The following PDE8B variants were observed in gnomAD, a reference collection of about 807,000 sequenced individuals.
The protein encoded by PDE8B is phosphodiesterase 8B, also known as high affinity cAMP-specific and IBMX-insensitive 3',5'-cyclic phosphodiesterase 8B.
A neutral mutation model predicts 101.3 loss-of-function variants in PDE8B; 26 were observed. The observed-to-expected ratio is 0.26, with a 90% CI of 0.19 to 0.36. The LOEUF is 0.36. PDE8B is among the 10% of genes least tolerant of loss of function. The pLI, the probability that PDE8B is intolerant of heterozygous loss-of-function variation, is 1.00. For synonymous variants in PDE8B, 424 were observed against 429.3 expected, an observed-to-expected ratio of 0.99 and a Z score of 0.15; for missense variants, 810 against 1,163.1, an observed-to-expected ratio of 0.70 and a Z score of 4.42.
At chr5:77,273,836 T>G (rs61068572) in intron 1 of PDE8B, among the ~76,000 whole-genome samples, 7,774 of 152,078 alleles carry the variant, frequency 0.051, 336 homozygotes, top group African/African-American at 0.11. Flanking sequence ...TTTTATTTTT[T>G]TTTGAGATGG....
intron 1 of PDE8B, among the ~76,000 whole-genome samples, chr5:77,260,581 C>CCTTT (rs1561431905): frequency 7.6e-6 from 1 of 131,408 alleles, no homozygotes; most frequent in African/African-American, 3.0e-5. Context: ...CACTGTGGCT[C>CCTTT]ATTTTTTTTT....
chr5:77,196,423 A>G, the PDE8B span, among the ~76,000 whole-genome samples: 1 of 152,148 alleles, frequency 6.6e-6, no homozygotes, highest in African/African-American at 2.4e-5. Context: ...GTTTAGTTTT[A>G]ACATGTTTTA....
At chr5:77,173,005 A>G in the PDE8B span, among the ~76,000 whole-genome samples, 12,781 of 152,288 alleles carry the variant, frequency 0.084, 697 homozygotes, top group Non-Finnish European at 0.12. Flanking sequence ...AAACACATAT[A>G]TAGGGTAGAG....
At chr5:77,179,597 T>C in the PDE8B span, among the ~76,000 whole-genome samples, 2 of 152,214 alleles carry the variant, frequency 1.3e-5, no homozygotes, top group Non-Finnish European at 2.9e-5. Flanking sequence ...TGATAGCAGC[T>C]ACCTACCCAG....
intron 6 of PDE8B, among the ~76,000 whole-genome samples, chr5:77,342,525 T>A (rs1444022931): frequency 1.3e-5 from 2 of 150,066 alleles, no homozygotes; most frequent in African/African-American, 4.9e-5. Flanking sequence ...TTTTTTTTTT[T>A]AAAGAAAAAA....
At chr5:77,133,129 C>G in the PDE8B span, among the ~76,000 whole-genome samples, 1 of 152,172 alleles carries the variant, frequency 6.6e-6, no homozygotes, top group Non-Finnish European at 1.5e-5. Context: ...CTTACTTTGG[C>G]TAGTGGGATA....
At chr5:77,095,054 T>A in the PDE8B span, among the ~76,000 whole-genome samples, 95 of 152,332 alleles carry the variant, frequency 6.2e-4, no homozygotes, top group African/African-American at 2.3e-3. Context: ...GTAAGGTAGA[T>A]GCCTAAAGAT....
At chr5:77,342,122 T>C (rs1779309806) in intron 6 of PDE8B, among the ~76,000 whole-genome samples, 1 of 152,222 alleles carries the variant, frequency 6.6e-6, no homozygotes, top group South Asian at 2.1e-4. Flanking sequence ...GGTATACTTA[T>C]GAGAAAAGAT....
At chr5:77,370,370 T>C (rs1784873252) in intron 10 of PDE8B, among the ~76,000 whole-genome samples, 1 of 152,244 alleles carries the variant, frequency 6.6e-6, no homozygotes, top group African/African-American at 2.4e-5. Context: ...CACCATAGAT[T>C]AGTTTTGCCT....
chr5:77,425,558 CAA>C (rs953404757), intron 20 of PDE8B, among the ~76,000 whole-genome samples: 2 of 151,798 alleles, frequency 1.3e-5, no homozygotes, highest in Non-Finnish European at 2.9e-5. Flanking sequence ...GTCTCAAAAA[CAA>C]AAAAAGAGGC....
intron 13 of PDE8B, among the ~76,000 whole-genome samples, chr5:77,408,269 T>G (rs1381084198): frequency 6.6e-6 from 1 of 152,080 alleles, no homozygotes; most frequent in African/African-American, 2.4e-5. Flanking sequence ...CCTCCCAGGT[T>G]TTTGGTGTGA....
chr5:77,419,977 A>G, intron 19 of PDE8B, 90 bp downstream of exon 19: 1 of 1,440,390 alleles, frequency 6.9e-7, no homozygotes, highest in Non-Finnish European at 9.7e-7. Context: ...CTCCCACTCA[A>G]ATGTAAGGTG....
intron 2 of PDE8B, among the ~76,000 whole-genome samples, chr5:77,323,980 A>G (rs10076967): frequency 0.093 from 14,200 of 152,078 alleles, 1,171 homozygotes; most frequent in African/African-American, 0.22. Flanking sequence ...AAACAACAAA[A>G]AAAAGTATTT....
At chr5:77,112,629 A>G in the PDE8B span, 3 of 152,228 alleles carry the variant, frequency 2.0e-5, no homozygotes, top group African/African-American at 7.2e-5. Context: ...GCCCTCTCTC[A>G]CTACTTCTAT....
rs1447978711 is a variant in PDE8B at position 77,211,314 on chromosome 5, C to T, written c.339+50C>T. Reference sequence around the variant, plus strand: ...CCGTGGGGGCCGTCCGCCCCGTCGGCGGGGCTCGCACGGGTAGGGGGCTCC... The same window carrying T: ...CCGTGGGGGCCGTCCGCCCCGTCGGTGGGGCTCGCACGGGTAGGGGGCTCC... On this transcript the variant is annotated intron_variant, in intron 1 of 21. Transcript: ENST00000264917. The surrounding 1 kb of genome is among the most constrained non-coding windows in gnomAD (Gnocchi z 4.1). The T allele has an allele frequency of 6.6e-7, 1 of 1,505,508 alleles. No homozygotes were observed. Among genetic ancestry groups the T allele is most frequent in the Non-Finnish European group, 8.8e-7 (1 of 1,130,864 alleles). 93.3% of individuals were successfully genotyped at this position (1,505,508 alleles called of 1,614,324 possible).
chr5:77,202,246 CCTT>C, the PDE8B span, among the ~76,000 whole-genome samples: 2 of 152,186 alleles, frequency 1.3e-5, no homozygotes, highest in Non-Finnish European at 2.9e-5. Flanking sequence ...CTTCACCAGT[CCTT>C]CTTGAATATG....
intron 14 of PDE8B, among the ~76,000 whole-genome samples, chr5:77,409,809 C>CT (rs1794182934): frequency 6.6e-6 from 1 of 152,238 alleles, no homozygotes; most frequent in African/African-American, 2.4e-5. Context: ...ATGAGTTTGA[C>CT]TTTGAAGGTT....
intron 1 of PDE8B, chr5:77,291,635 C>T (rs1041719367): frequency 3.1e-6 from 5 of 1,596,874 alleles, no homozygotes; most frequent in East Asian, 4.5e-5. Context: ...TAAATGTCAA[C>T]ATTCCAACAA....
chr5:77,303,895 A>G (rs577038307), intron 1 of PDE8B, among the ~76,000 whole-genome samples: 19 of 152,314 alleles, frequency 1.2e-4, no homozygotes, highest in African/African-American at 4.1e-4. Flanking sequence ...TTACTGTTGT[A>G]TAATATTCTA....
Sources: gnomAD v4.1 joint callset for allele counts (sites outside exome capture counted in the v4.1 genomes callset) on GRCh38, gnomAD v4.1.1 for gene constraint, Gnocchi (gnomAD v3.1) non-coding constraint, MANE v1.5 for transcripts, NCBI Gene and HGNC (gene_info 2026-07-23, HGNC 2026-07-21) for gene names.